The following CHD2 variants were observed in gnomAD, a reference collection of about 807,000 sequenced individuals.
CHD2 encodes chromodomain helicase DNA binding protein 2.
CHD2 carries 28 observed loss-of-function variants against 243.9 expected under a neutral mutation model. The ratio of observed to expected loss-of-function variants is 0.11; its 90% CI spans 0.09 to 0.16. CHD2 has a LOEUF of 0.16. CHD2 is among the 10% of genes least tolerant of loss of function. CHD2 has a pLI of 1.00. For missense variants in CHD2, 1,386 were observed against 2,209.8 expected (o/e 0.63, Z 7.47); for synonymous variants, 775 against 779.0 (o/e 0.99, Z 0.09).
At chr15:92,958,781 C>T (rs1026988697) in intron 16 of CHD2, among the ~76,000 whole-genome samples, 16 of 152,042 alleles carry the variant, frequency 1.1e-4, no homozygotes, top group African/African-American at 3.4e-4. Flanking sequence ...GTGTAATATT[C>T]GATAAATTAC....
chr15:93,006,219 C>G (rs539442067), intron 34 of CHD2, among the ~76,000 whole-genome samples: 12 of 150,030 alleles, frequency 8.0e-5, no homozygotes, highest in Non-Finnish European at 1.5e-4. Context: ...CTCTGCCTCT[C>G]CGGTTCAAGC....
At chr15:93,016,604 C>G (rs1054432869) in intron 37 of CHD2, among the ~76,000 whole-genome samples, 6 of 151,530 alleles carry the variant, frequency 4.0e-5, no homozygotes, top group African/African-American at 1.5e-4. Context: ...ACAGTCTGGG[C>G]AACATAGACT....
At chr15:92,926,915 T>G (rs1359767404) in intron 3 of CHD2, among the ~76,000 whole-genome samples, 2 of 152,200 alleles carry the variant, frequency 1.3e-5, no homozygotes, top group Non-Finnish European at 2.9e-5. Flanking sequence ...AGTAGGGAAT[T>G]TAAAATGTAT....
At chr15:92,954,300 C>G (rs187847182) in intron 14 of CHD2, 1 of 152,338 alleles carries the variant, frequency 6.6e-6, no homozygotes, top group Admixed American at 6.5e-5. Context: ...GCGACCCTAG[C>G]GAGCAAGAAT....
chr15:92,944,912 C>G (rs192750529), intron 10 of CHD2: 1 of 153,184 alleles, frequency 6.5e-6, no homozygotes, highest in East Asian at 1.9e-4. Context: ...ACTCTTTAGT[C>G]TGGGCTGGAG....
At chr15:92,922,971 G>GCTCCCTTGGGAGTTGCTGCTCCC (rs1567126223) in intron 2 of CHD2, among the ~76,000 whole-genome samples, 1 of 152,156 alleles carries the variant, frequency 6.6e-6, no homozygotes, top group Non-Finnish European at 1.5e-5. Context: ...CCTATGGGAT[G>GCTCCCTTGGGAGTTGCTGCTCCC]TTTGGAATGA....
At chr15:92,953,334 T>C (rs2053578576) in intron 13 of CHD2, 23 bp from the exon 14 acceptor site, 4 of 1,604,790 alleles carry the variant, frequency 2.5e-6, no homozygotes, top group Non-Finnish European at 2.6e-6. Flanking sequence ...TTTTTTGTTT[T>C]TATTTATTTT....
chr15:92,961,076 GT>G (rs1438305473), intron 16 of CHD2, among the ~76,000 whole-genome samples: 1 of 151,988 alleles, frequency 6.6e-6, no homozygotes, highest in Non-Finnish European at 1.5e-5. Flanking sequence ...TTTTTGTTTT[GT>G]TTTGATGTTT....
chr15:92,909,997 T>C (rs938603939), intron 2 of CHD2, among the ~76,000 whole-genome samples: 4 of 151,930 alleles, frequency 2.6e-5, no homozygotes, highest in South Asian at 4.1e-4. Context: ...TATACACATA[T>C]ATACATATAT....
At chr15:92,980,997 GCTTTTGT>G in intron 23 of CHD2, 86 bp downstream of exon 23, 1 of 914,588 alleles carries the variant, frequency 1.1e-6, no homozygotes, top group Admixed American at 2.3e-5. Flanking sequence ...TCTGTTAGAG[GCTTTTGT>G]AAAGAAAAAG....
At chr15:92,954,022 A>C (rs2053586455) in intron 14 of CHD2, 1 of 158,024 alleles carries the variant, frequency 6.3e-6, no homozygotes. Context: ...AAAGGAAAAC[A>C]AGCTATTTTA....
Position 92,979,744 on chromosome 15 carries a change from C to T in CHD2, c.2876+461C>T, listed in dbSNP as rs538332814. ...TTTTAATTGGCTTTGGGAAGAGGCA[C>T]AGCTACATCTCCTATAAAGTTTAAT... On this transcript the variant is annotated intron_variant, in intron 22 of 38. Transcript: ENST00000394196. Among the ~76,000 whole-genome samples, 27 of 151,742 alleles carry T rather than the reference C, an allele frequency of 1.8e-4. No individual in the cohort carries two copies. The South Asian group carries it at 5.0e-3, about 28-fold the overall frequency.
At position 93,027,386 on chromosome 15, in the gene CHD2, A is replaced by G. The variant is rs150517077; in HGVS notation, c.*2681A>G. ...TGAACAAGGGTTGACATGATACACT[A>G]TGGCCTTAGAAAAGGGCCAGGTGAA... On this transcript the variant is annotated 3_prime_UTR_variant, in exon 39 of 39. Transcript: ENST00000394196. 27 of 152,336 alleles carry G rather than the reference A, an allele frequency of 1.8e-4. No individual in the cohort carries two copies. The highest frequency in any genetic ancestry group is 5.1e-4 in the African/African-American group (21 of 41,566). 9.4% of individuals were successfully genotyped at this position (152,336 alleles called of 1,614,324 possible).
chr15:93,020,021 A>G lies in CHD2; in HGVS notation c.4916A>G (p.Asp1639Gly). The change falls in exon 38 of 39, where the codon GAC becomes GGC. Residue 1639 changes from aspartate (D) to glycine (G), a missense_variant. This residue lies in a region of CHD2 where 347 missense variants were observed against 341.6 expected (regional missense o/e 1.02). Transcript: ENST00000394196. ...CTTTCTTTTCCTGCAGATCGAGGAG[A>G]CTGGCAGAGGGAAAGAAAGTTCAAC... ...KRHFSNADRGDWQRERKFNYG... is the reference protein window; with the variant it reads ...KRHFSNADRGGWQRERKFNYG... 6.2e-7 allele frequency: 1 copy of G among 1,610,396 alleles called. No individual in the cohort carries two copies. Among genetic ancestry groups the G allele is most frequent in the Middle Eastern group, 1.7e-4 (1 of 6,052 alleles).
At chr15:92,909,866 G>T (rs1231260751) in intron 2 of CHD2, among the ~76,000 whole-genome samples, 1 of 151,990 alleles carries the variant, frequency 6.6e-6, no homozygotes, top group Non-Finnish European at 1.5e-5. Context: ...TGAACATTTT[G>T]TAGAAAAATA....
At chr15:93,009,431 A>G (rs1326161091) in intron 35 of CHD2, 108 bp downstream of exon 35, 21 of 1,063,772 alleles carry the variant, frequency 2.0e-5, no homozygotes, top group Admixed American at 2.8e-5. Flanking sequence ...TCTTTCTCCC[A>G]GCACAACTCA....
At chr15:92,968,310 C>A (rs1435177398) in intron 17 of CHD2, among the ~76,000 whole-genome samples, 1 of 151,974 alleles carries the variant, frequency 6.6e-6, no homozygotes, top group Non-Finnish European at 1.5e-5. Flanking sequence ...TCGCTTGAGC[C>A]CAGTAGTTTG....
At chr15:92,951,579 T>G (rs1327004334) in intron 13 of CHD2, among the ~76,000 whole-genome samples, 1 of 152,232 alleles carries the variant, frequency 6.6e-6, no homozygotes, top group African/African-American at 2.4e-5. Flanking sequence ...TGTGCTATTT[T>G]GGTCTGGTTC....
chr15:92,924,610 C>A, intron 3 of CHD2, 58 bp downstream of exon 3: 1 of 1,461,908 alleles, frequency 6.8e-7, no homozygotes, highest in Non-Finnish European at 9.6e-7. Context: ...GCTAGCAGAC[C>A]TTTGTTGTTC....
Sources: gnomAD v4.1 joint callset for allele counts (sites outside exome capture counted in the v4.1 genomes callset) on GRCh38, gnomAD v4.1.1 for gene constraint, gnomAD v4.1.1 regional missense constraint, MANE v1.5 for transcripts, NCBI Gene and HGNC (gene_info 2026-07-23, HGNC 2026-07-21) for gene names.